The following CHST10 variants were observed in gnomAD, a reference collection of about 807,000 sequenced individuals.
The protein encoded by CHST10 is carbohydrate sulfotransferase 10.
Under a neutral mutation model 34.7 loss-of-function variants are expected in CHST10, and 24 were observed. That is an observed-to-expected ratio of 0.69 (90% CI 0.50 to 0.97). The LOEUF is 0.97. Ranked by LOEUF, CHST10 falls within the 50% of genes least tolerant of loss-of-function variation. The pLI is 0.00. For synonymous variants in CHST10, 161 were observed against 169.3 expected (o/e 0.95, Z 0.38); for missense variants, 402 against 452.1 (o/e 0.89, Z 1.00).
intron 3 of CHST10, among the ~76,000 whole-genome samples, chr2:100,406,215 A>C (rs1011545093): frequency 6.6e-6 from 1 of 152,194 alleles, no homozygotes; most frequent in African/African-American, 2.4e-5. Context: ...TCTCATGATG[A>C]CATGAGGCAA....
intron 4 of CHST10, among the ~76,000 whole-genome samples, chr2:100,399,834 G>A (rs936884988): frequency 2.6e-5 from 4 of 152,312 alleles, no homozygotes; most frequent in East Asian, 1.9e-4. Context: ...CCTGCTTTTC[G>A]AGATGAAGAC....
At chr2:100,400,063 C>G (rs865954314) in intron 4 of CHST10, among the ~76,000 whole-genome samples, 1 of 152,238 alleles carries the variant, frequency 6.6e-6, no homozygotes, top group Non-Finnish European at 1.5e-5. Flanking sequence ...TCCTCCCTCT[C>G]TGTTCCAAAC....
At chr2:100,405,487 G>C (rs887003112) in intron 3 of CHST10, among the ~76,000 whole-genome samples, 1 of 152,170 alleles carries the variant, frequency 6.6e-6, no homozygotes, top group Admixed American at 6.5e-5. Flanking sequence ...AGAGAGGATG[G>C]GGCAGGAGGT....
chr2:100,402,156 T>C (rs1015187434), intron 4 of CHST10, among the ~76,000 whole-genome samples: 1 of 152,176 alleles, frequency 6.6e-6, no homozygotes, highest in Non-Finnish European at 1.5e-5. Flanking sequence ...CTCTCATCCA[T>C]ACAATTTGGA....
Position 100,393,717 on chromosome 2 carries a change from T to G in CHST10, c.599A>C (p.Lys200Thr). ...CCGGGGATTGTGAACAAATTTATCC[T>G]TAAATGCAGAAATAAGTCTTTCGAA... ...DPFERLISAF[K>T]DKFVHNPRFE... Residue 200 changes from lysine to threonine, a missense_variant, in exon 7 of 7, where the codon AAG (lysine) becomes ACG (threonine). Lys to Thr is a moderately conservative substitution (Grantham distance 78). Transcript: ENST00000264249. 1 of 1,613,912 alleles carries G rather than the reference T, an allele frequency of 6.2e-7. No individual in the cohort carries two copies. Among genetic ancestry groups the G allele is most frequent in the Non-Finnish European group, 8.5e-7 (1 of 1,179,958 alleles).
chr2:100,406,424 C>A, intron 3 of CHST10, 152 bp downstream of exon 3: 16 of 749,816 alleles, frequency 2.1e-5, no homozygotes, highest in East Asian at 2.9e-5. Context: ...ACCTCTGTAA[C>A]ATGAAGGAAC....
rs933517869 is a variant in CHST10, at chr2:100,392,026, C to T, written c.*1219G>A. 6.5e-6 allele frequency: 1 copy of T among 152,828 alleles called. No individual in the cohort carries two copies. Among genetic ancestry groups the T allele is most frequent in the African/African-American group, 2.4e-5 (1 of 41,466 alleles). 9.5% of individuals were successfully genotyped at this position (152,828 alleles called of 1,614,324 possible). On this transcript the variant is annotated 3_prime_UTR_variant, in exon 7 of 7. Transcript: ENST00000264249. ...TGGCACTCATCCCAGGAAACTGTCC[C>T]AGTTCTCAGCGGTCCTGGCTGTGGA... is the stretch of plus-strand genomic sequence containing the variant.
chr2:100,414,934 A>C (rs1676004828), intron 2 of CHST10, 107 bp downstream of exon 2: 1 of 646,936 alleles, frequency 1.5e-6, no homozygotes, highest in Non-Finnish European at 2.3e-6. Context: ...ACACATTTAC[A>C]TACTCCTAAT....
rs1675165767 is a variant in CHST10, at chr2:100,398,207, G to A, written c.193-65C>T. On this transcript the variant is annotated intron_variant, in intron 4 of 6. Transcript: ENST00000264249. ...AAAGGAGGCAGGACCGGGCCAAGCA[G>A]AGCCGCTCCTGCTGGTCTATCCCCT... The A allele has an allele frequency of 1.3e-5, 15 of 1,159,306 alleles. No homozygotes were observed. The South Asian group carries it at 2.0e-4, about 16-fold the overall frequency. The allele number at this position is 1,159,306 out of a possible 1,614,324, so 71.8% of individuals were successfully genotyped here.
chr2:100,397,257 A>C (rs757984160), intron 5 of CHST10, among the ~76,000 whole-genome samples: 5 of 152,248 alleles, frequency 3.3e-5, no homozygotes, highest in Non-Finnish European at 7.3e-5. Context: ...CATCTCTAAA[A>C]AGAGTAGTGA....
chr2:100,411,940 C>T (rs908972633), intron 2 of CHST10, among the ~76,000 whole-genome samples: 5 of 152,178 alleles, frequency 3.3e-5, no homozygotes, highest in Admixed American at 6.6e-5. Flanking sequence ...TAAACGCAGG[C>T]CCATGTGGCT....
chr2:100,415,489 A>G (rs1676027891), intron 1 of CHST10, among the ~76,000 whole-genome samples: 1 of 152,180 alleles, frequency 6.6e-6, no homozygotes. Flanking sequence ...TACTCCTTAC[A>G]CCTTTAGCAC....
At chr2:100,401,806 T>G (rs940028819) in intron 4 of CHST10, among the ~76,000 whole-genome samples, 1 of 152,210 alleles carries the variant, frequency 6.6e-6, no homozygotes, top group Non-Finnish European at 1.5e-5. Context: ...TTTATCATCC[T>G]TACACTGTGA....
At chr2:100,417,006 C>T (rs1264245359) in intron 1 of CHST10, 4 of 1,304,362 alleles carry the variant, frequency 3.1e-6, no homozygotes, top group Non-Finnish European at 4.0e-6. Context: ...GCACATGCTC[C>T]TTCTTCCCTG....
chr2:100,415,635 T>A (rs1016014711), intron 1 of CHST10: 2 of 152,588 alleles, frequency 1.3e-5, no homozygotes, highest in African/African-American at 4.8e-5. Flanking sequence ...CCAAGCTGAC[T>A]GGGACACATG....
In CHST10 at chr2:100,393,527, C is replaced by G. The variant is rs1465186447; in HGVS notation, c.789G>C (p.Trp263Cys). 1 of 1,614,060 alleles carries G rather than the reference C, an allele frequency of 6.2e-7. No individual in the cohort carries two copies. Among genetic ancestry groups the G allele is most frequent in the Non-Finnish European group, 8.5e-7 (1 of 1,180,022 alleles). ...GAGCACAGAGCTCTACATACGTCAC[C>G]CAGTGAATGATGTGGTCCCCAAACT... is the stretch of plus-strand genomic sequence containing the variant. ...DLQFGDHIIH[W>C]VTYVELCAPC... Residue 263 changes from tryptophan to cysteine, a missense_variant, in exon 7 of 7, where the codon TGG becomes TGC. Transcript: ENST00000264249.
chr2:100,406,871 T>C (rs1006046774), intron 2 of CHST10, among the ~76,000 whole-genome samples, 164 bp from the exon 3 acceptor site: 9 of 152,226 alleles, frequency 5.9e-5, no homozygotes, highest in African/African-American at 1.9e-4. Context: ...ACATTTCATA[T>C]TGAATTAATA....
At chr2:100,395,380 T>C (rs1675007450) in intron 6 of CHST10, 129 bp downstream of exon 6, 3 of 700,364 alleles carry the variant, frequency 4.3e-6, no homozygotes, top group Non-Finnish European at 4.8e-6. Flanking sequence ...CTCTCACTGA[T>C]GCAAACCGAC....
In CHST10 at chr2:100,398,142, G is replaced by C; in HGVS notation, c.193C>G (p.Pro65Ala). Residue 65 changes from proline (P) to alanine (A), a missense_variant and splice_region_variant, in exon 5 of 7, where the codon CCA becomes GCA. By Grantham distance (27) the Pro-to-Ala change is conservative (BLOSUM62 -1). Transcript: ENST00000264249. The stretch of plus-strand genomic sequence containing the variant: ...CTGTCTGGAAGCTCCTTCCCAGTTG[G>C]CTGCAGGTGACACAGAGCAGAAGAG... ...EEKHIPEELK[P>A]TGKELPDSQL... The C allele has an allele frequency of 6.2e-7, 1 of 1,609,348 alleles. No homozygotes were observed. Among genetic ancestry groups the C allele is most frequent in the East Asian group, 2.2e-5 (1 of 44,856 alleles).
Sources: allele counts gnomAD v4.1 joint callset (sites outside exome capture counted in the v4.1 genomes callset), GRCh38; gene constraint gnomAD v4.1.1; transcripts MANE v1.5; gene names NCBI Gene and HGNC (gene_info 2026-07-23, HGNC 2026-07-21).